Variants in POU2F1 observed in about 807,000 individuals in gnomAD.
POU2F1 encodes the protein POU domain, class 2, transcription factor 1.
A neutral mutation model predicts 84.9 loss-of-function variants in POU2F1; 16 were observed. That is an observed-to-expected ratio of 0.19 (90% CI 0.13 to 0.29). The LOEUF is 0.29. Ranked by LOEUF, POU2F1 falls within the 10% of genes least tolerant of loss-of-function variation. The probability of loss-of-function intolerance (pLI) is 1.00; values close to 1 mark genes in which losing one functional copy is unlikely to be tolerated. For synonymous variants in POU2F1, 368 were observed against 368.3 expected (o/e 1.00, Z 0.01); for missense variants, 738 against 942.6 (o/e 0.78, Z 2.84).
chr1:167,354,716 A>T (rs1381224976), intron 2 of POU2F1, among the ~76,000 whole-genome samples: 2 of 152,172 alleles, frequency 1.3e-5, no homozygotes, highest in Non-Finnish European at 2.9e-5. Flanking sequence ...TTGCAATTTT[A>T]GCCAATTTAT....
intron 1 of POU2F1, among the ~76,000 whole-genome samples, chr1:167,296,509 A>C (rs371431039): frequency 4.6e-5 from 7 of 152,316 alleles, no homozygotes; most frequent in East Asian, 3.9e-4. Flanking sequence ...AACTGATTAC[A>C]CAGCGTTGCA....
At chr1:167,257,981 C>T (rs368305414) in intron 1 of POU2F1, 1 of 151,744 alleles carries the variant, frequency 6.6e-6, no homozygotes, top group African/African-American at 2.4e-5. Context: ...GACAGGGTCT[C>T]ACTATGTTTC....
chr1:167,376,232 A>G, intron 7 of POU2F1, 77 bp downstream of exon 7: 4 of 1,445,988 alleles, frequency 2.8e-6, no homozygotes, highest in Non-Finnish European at 3.7e-6. Flanking sequence ...AACTACTATC[A>G]TTTTGGCCCT....
At chr1:167,250,704 A>C (rs184790587) in intron 1 of POU2F1, among the ~76,000 whole-genome samples, 1 of 152,340 alleles carries the variant, frequency 6.6e-6, no homozygotes, top group Non-Finnish European at 1.5e-5. Context: ...ACTGACTCTA[A>C]AAGTGGTTTC....
intron 6 of POU2F1, among the ~76,000 whole-genome samples, chr1:167,374,840 G>A (rs1321814903): frequency 1.3e-5 from 2 of 152,118 alleles, no homozygotes; most frequent in Non-Finnish European, 2.9e-5. Context: ...GGCCGAGGCG[G>A]GCGGATCACT....
intron 1 of POU2F1, among the ~76,000 whole-genome samples, chr1:167,289,452 C>CTTTG (rs1054886676): frequency 1.3e-5 from 2 of 152,142 alleles, no homozygotes; most frequent in African/African-American, 4.8e-5. Flanking sequence ...GTGATAGTGA[C>CTTTG]TTCAAAGGGT....
intron 1 of POU2F1, among the ~76,000 whole-genome samples, chr1:167,306,907 T>C (rs1655111303): frequency 6.6e-6 from 1 of 152,160 alleles, no homozygotes; most frequent in Admixed American, 6.5e-5. Flanking sequence ...TAACATCTTT[T>C]TGGGGAAGAC....
intron 1 of POU2F1, among the ~76,000 whole-genome samples, chr1:167,269,827 G>T (rs1373732026): frequency 1.3e-5 from 2 of 150,274 alleles, no homozygotes; most frequent in Non-Finnish European, 2.9e-5. Flanking sequence ...GACAGGAGAA[G>T]CACTTGAACC....
intron 1 of POU2F1, among the ~76,000 whole-genome samples, chr1:167,275,794 A>G (rs1652692510): frequency 6.6e-6 from 1 of 152,298 alleles, no homozygotes; most frequent in Non-Finnish European, 1.5e-5. Flanking sequence ...CTACATCCTA[A>G]AAAAGACTGA....
chr1:167,224,033 G>C (rs1648437556), intron 1 of POU2F1, among the ~76,000 whole-genome samples: 1 of 152,150 alleles, frequency 6.6e-6, no homozygotes, highest in Non-Finnish European at 1.5e-5. Context: ...TGAGGCCGTA[G>C]ATATTTTATA....
intron 1 of POU2F1, among the ~76,000 whole-genome samples, chr1:167,325,358 T>C (rs1372298000): frequency 6.6e-6 from 1 of 152,114 alleles, no homozygotes; most frequent in Non-Finnish European, 1.5e-5. Flanking sequence ...CATTTCTGCT[T>C]GTTCAACTAG....
At chr1:167,288,183 T>G (rs1266517930) in intron 1 of POU2F1, among the ~76,000 whole-genome samples, 2 of 152,212 alleles carry the variant, frequency 1.3e-5, no homozygotes, top group Admixed American at 6.5e-5. Flanking sequence ...GATATATTGG[T>G]AGCCTGTGGG....
At chr1:167,278,581 C>T (rs112868334) in intron 1 of POU2F1, among the ~76,000 whole-genome samples, 11 of 152,212 alleles carry the variant, frequency 7.2e-5, no homozygotes, top group African/African-American at 1.7e-4. Context: ...ATTTATCATT[C>T]GACACAGTTT....
chr1:167,226,804 TTTTATTTA>T (rs750146807), intron 1 of POU2F1, among the ~76,000 whole-genome samples: 6 of 152,220 alleles, frequency 3.9e-5, no homozygotes, highest in Non-Finnish European at 5.9e-5. Context: ...TGTTTTTGGG[TTTTATTTA>T]TTTATTTATT....
chr1:167,260,602 A>G (rs1651491516), intron 1 of POU2F1, among the ~76,000 whole-genome samples: 1 of 152,104 alleles, frequency 6.6e-6, no homozygotes, highest in African/African-American at 2.4e-5. Context: ...GATTTGTTGA[A>G]TTTTTCCCTC....
At chr1:167,380,967 C>T (rs1273113730) in intron 7 of POU2F1, 2 of 152,180 alleles carry the variant, frequency 1.3e-5, no homozygotes, top group Non-Finnish European at 2.9e-5. Flanking sequence ...GCCCTATCTA[C>T]TCTCAGCACT....
intron 4 of POU2F1, 35 bp downstream of exon 4, chr1:167,370,249 T>G (rs757942583): frequency 2.0e-6 from 3 of 1,534,860 alleles, no homozygotes; most frequent in Admixed American, 1.8e-5. Flanking sequence ...GTCAATCTTT[T>G]ATTTATTTTT....
chr1:167,351,540 A>AG (rs1182464596), intron 2 of POU2F1, among the ~76,000 whole-genome samples: 442 of 143,618 alleles, frequency 3.1e-3, no homozygotes, highest in African/African-American at 0.012. Flanking sequence ...AAAAAAAAAA[A>AG]AAAGAAAGAA....
intron 1 of POU2F1, among the ~76,000 whole-genome samples, chr1:167,295,287 A>G (rs1006464854): frequency 6.6e-6 from 1 of 152,190 alleles, no homozygotes; most frequent in African/African-American, 2.4e-5. Flanking sequence ...CTGAGTGTCC[A>G]TTGACTAATG....
Sources: allele counts gnomAD v4.1 joint callset (sites outside exome capture counted in the v4.1 genomes callset), GRCh38; gene constraint gnomAD v4.1.1; transcripts MANE v1.5; gene names NCBI Gene and HGNC (gene_info 2026-07-23, HGNC 2026-07-21).